Variants in TNFRSF21 observed in about 807,000 individuals in gnomAD.
TNFRSF21 encodes TNF receptor superfamily member 21, also known as tumor necrosis factor receptor superfamily member 21.
In TNFRSF21, 19 loss-of-function variants were observed where a neutral mutation model predicts 45.6. The ratio of observed to expected loss-of-function variants is 0.42; its 90% CI spans 0.29 to 0.61. The LOEUF is 0.61. TNFRSF21 is among the 20% of genes least tolerant of loss of function. TNFRSF21 has a pLI of 0.23. For missense variants in TNFRSF21, 737 were observed against 851.5 expected (o/e 0.87, Z 1.67); for synonymous variants, 314 against 335.5 (o/e 0.94, Z 0.70).
chr6:47,246,188 C>G (rs1173760215), intron 4 of TNFRSF21, among the ~76,000 whole-genome samples: 1 of 152,122 alleles, frequency 6.6e-6, no homozygotes, highest in Non-Finnish European at 1.5e-5. Context: ...TATAGAGCAC[C>G]CAGACAGTGT....
At chr6:47,264,804 T>C (rs1335465700) in intron 3 of TNFRSF21, among the ~76,000 whole-genome samples, 1 of 152,030 alleles carries the variant, frequency 6.6e-6, no homozygotes, top group Non-Finnish European at 1.5e-5. Context: ...GGCAGTGGGA[T>C]GGGGGCGGGG....
intron 3 of TNFRSF21, among the ~76,000 whole-genome samples, chr6:47,254,989 A>G (rs1447936392): frequency 2.0e-5 from 3 of 152,214 alleles, no homozygotes; most frequent in Non-Finnish European, 4.4e-5. Flanking sequence ...CAAATCCTGT[A>G]TGTGTAACCA....
At chr6:47,296,440 C>T (rs1274562751) in intron 1 of TNFRSF21, among the ~76,000 whole-genome samples, 1 of 152,128 alleles carries the variant, frequency 6.6e-6, no homozygotes, top group Non-Finnish European at 1.5e-5. Context: ...TTAAAATCTC[C>T]AGCCACAATA....
At chr6:47,284,508 A>G (rs946197473) in intron 2 of TNFRSF21, 76 bp from the exon 3 acceptor site, 28 of 1,434,588 alleles carry the variant, frequency 2.0e-5, no homozygotes, top group Non-Finnish European at 2.4e-5. Flanking sequence ...TTCCCTGGTC[A>G]TCTCCAAGCT....
chr6:47,275,892 G>A (rs1017627126), intron 3 of TNFRSF21, among the ~76,000 whole-genome samples: 1 of 152,138 alleles, frequency 6.6e-6, no homozygotes, highest in African/African-American at 2.4e-5. Context: ...GCAGCGCAGT[G>A]TTCTCCACCC....
chr6:47,289,942 C>A (rs764345970), intron 1 of TNFRSF21, among the ~76,000 whole-genome samples: 1 of 151,954 alleles, frequency 6.6e-6, no homozygotes, highest in Non-Finnish European at 1.5e-5. Flanking sequence ...TGCAGTGAGC[C>A]GAGATTGCGC....
chr6:47,269,906 C>A (rs955700464), intron 3 of TNFRSF21, among the ~76,000 whole-genome samples: 1 of 152,196 alleles, frequency 6.6e-6, no homozygotes, highest in Non-Finnish European at 1.5e-5. Context: ...CAGACTTGGA[C>A]ATTGCCTTTC....
chr6:47,248,701 A>G (rs1764856864), intron 4 of TNFRSF21, among the ~76,000 whole-genome samples: 1 of 152,218 alleles, frequency 6.6e-6, no homozygotes, highest in South Asian at 2.1e-4. Context: ...CCCAGATAGC[A>G]CTTCCTGCTC....
intron 1 of TNFRSF21, among the ~76,000 whole-genome samples, chr6:47,291,285 G>A (rs1762724698): frequency 6.6e-6 from 1 of 152,220 alleles, no homozygotes; most frequent in Admixed American, 6.5e-5. Flanking sequence ...AAAATGCAAT[G>A]AGAAGTCATT....
intron 1 of TNFRSF21, 43 bp from the exon 2 acceptor site, chr6:47,286,638 A>G (rs755581243): frequency 6.4e-7 from 1 of 1,557,494 alleles, no homozygotes; most frequent in Non-Finnish European, 8.7e-7. Flanking sequence ...AAAACCAAGA[A>G]GATGTTACAT....
At position 47,232,899 on chromosome 6, in the gene TNFRSF21, G is replaced by C. The variant is rs548122991; in HGVS notation, c.1834C>G (p.Leu612Val). 6.2e-7 allele frequency: 1 copy of C among 1,614,116 alleles called. No individual in the cohort carries two copies. The highest frequency in any genetic ancestry group is 1.1e-5 in the South Asian group (1 of 91,072). ...DMLHFLNPEE[L>V]RVIEEIPQAE... ...TGGGGAATCTCTTCAATCACCCGCA[G>C]CTCCTCAGGATTTAGAAAGTGGAGC... is the stretch of plus-strand genomic sequence containing the variant. Residue 612 changes from leucine to valine, a missense_variant, in exon 6 of 6, where the codon CTG (leucine) becomes GTG (valine). Physicochemically the swap from Leu to Val is conservative, Grantham distance 32. Transcript: ENST00000296861.
chr6:47,299,226 C>A (rs887598545), intron 1 of TNFRSF21, among the ~76,000 whole-genome samples: 1 of 152,204 alleles, frequency 6.6e-6, no homozygotes, highest in African/African-American at 2.4e-5. Context: ...TGCAGTGGCT[C>A]ACACCTGTAA....
intron 3 of TNFRSF21, among the ~76,000 whole-genome samples, chr6:47,264,682 C>T (rs1057509872): frequency 6.6e-6 from 1 of 152,160 alleles, no homozygotes; most frequent in Non-Finnish European, 1.5e-5. Context: ...GCATAAGAGG[C>T]TTTTCTCCTG....
intron 4 of TNFRSF21, among the ~76,000 whole-genome samples, chr6:47,238,469 T>C (rs1336933998): frequency 3.9e-5 from 6 of 152,194 alleles, no homozygotes; most frequent in Admixed American, 3.9e-4. Context: ...GGACAGTAAA[T>C]AGACCAAAAT....
At chr6:47,255,962 A>G (rs1042650235) in intron 3 of TNFRSF21, among the ~76,000 whole-genome samples, 3 of 152,250 alleles carry the variant, frequency 2.0e-5, no homozygotes, top group Admixed American at 2.0e-4. Context: ...TTTCCTAGAA[A>G]AAAAATAAAA....
At position 47,232,443 on chromosome 6, in the gene TNFRSF21, T is replaced by C. The variant is rs74954347; in HGVS notation, c.*322A>G. On this transcript the variant is annotated 3_prime_UTR_variant, in exon 6 of 6. Transcript: ENST00000296861. ...AAATTTAAAGTGCACAGAATAATCTTGAAAATACATAAGAAGGCAAAATGG... is the reference window on the plus strand; with the variant it reads ...AAATTTAAAGTGCACAGAATAATCTCGAAAATACATAAGAAGGCAAAATGG... 9.1e-3 allele frequency: 2,402 copies of C among 265,070 alleles called. 67 individuals carry two copies. The highest frequency in any genetic ancestry group is 0.051 in the African/African-American group (2,239 of 44,312). The allele number at this position is 265,070 out of a possible 1,614,324, so 16.4% of individuals were successfully genotyped here. A position where few individuals can be genotyped will look rare whatever the true frequency, so the allele number is the denominator to read the frequency against.
At chr6:47,299,833 C>T (rs1273589203) in intron 1 of TNFRSF21, among the ~76,000 whole-genome samples, 1 of 152,178 alleles carries the variant, frequency 6.6e-6, no homozygotes, top group Non-Finnish European at 1.5e-5. Context: ...TGGCTGGTGG[C>T]ATTCTAAATT....
chr6:47,290,027 G>A (rs533296793), intron 1 of TNFRSF21, among the ~76,000 whole-genome samples: 101 of 152,100 alleles, frequency 6.6e-4, no homozygotes, highest in African/African-American at 2.3e-3. Flanking sequence ...GAGTATCAAC[G>A]ACAGGATTAG....
intron 3 of TNFRSF21, among the ~76,000 whole-genome samples, chr6:47,256,494 G>C (rs1468074424): frequency 6.6e-6 from 1 of 152,216 alleles, no homozygotes; most frequent in African/African-American, 2.4e-5. Context: ...CTGCACTCCA[G>C]CCTGGGTGAG....
Sources: allele counts gnomAD v4.1 joint callset (sites outside exome capture counted in the v4.1 genomes callset), GRCh38; gene constraint gnomAD v4.1.1; transcripts MANE v1.5; gene names NCBI Gene and HGNC (gene_info 2026-07-23, HGNC 2026-07-21).